Variants in ZFAT observed in about 807,000 individuals in gnomAD.
The protein encoded by ZFAT is zinc finger protein ZFAT.
A neutral mutation model predicts 117.7 loss-of-function variants in ZFAT; 64 were observed. The ratio of observed to expected loss-of-function variants is 0.54; its 90% confidence interval spans 0.44 to 0.67. The LOEUF is 0.67. Among genes scored for constraint, ZFAT ranks in the 30% least tolerant of loss-of-function variants. The probability of loss-of-function intolerance (pLI) is 0.00; values close to 1 mark genes in which losing one functional copy is unlikely to be tolerated. For missense variants in ZFAT, 1,433 were observed against 1,584.5 expected, an observed-to-expected ratio of 0.90 and a Z score of 1.62; for synonymous variants, 679 against 615.0, an observed-to-expected ratio of 1.10 and a Z score of -1.54.
the ZFAT span, among the ~76,000 whole-genome samples, chr8:134,809,480 G>A: frequency 6.6e-6 from 1 of 152,200 alleles, no homozygotes; most frequent in Non-Finnish European, 1.5e-5. Flanking sequence ...CCGGGACTGT[G>A]AGGGTTCCTT....
rs181894567 is a variant in ZFAT, at chr8:134,537,556, T to C, written c.2977-4584A>G. Among the ~76,000 whole-genome samples the C allele has an allele frequency of 7.0e-4, 107 of 152,218 alleles. No individual in the cohort carries two copies. In the Middle Eastern group the frequency reaches 0.01, roughly 15 times the overall value. On this transcript the variant is annotated intron_variant, in intron 11 of 15. Transcript: ENST00000377838. Reference sequence around the variant, plus strand: ...GAAGACGAGGGTCGATACCAGCCAGTGTGCTGTGTGCTGGGTCAGGAAAGT... The same window carrying C: ...GAAGACGAGGGTCGATACCAGCCAGCGTGCTGTGTGCTGGGTCAGGAAAGT...
intron 15 of ZFAT, among the ~76,000 whole-genome samples, chr8:134,485,891 C>A (rs1050296534): frequency 2.0e-5 from 3 of 152,214 alleles, no homozygotes; most frequent in Non-Finnish European, 4.4e-5. Flanking sequence ...ATAAACACCA[C>A]AAATTCGCAT....
At chr8:134,706,520 C>T (rs936154942) in intron 1 of ZFAT, among the ~76,000 whole-genome samples, 2 of 152,044 alleles carry the variant, frequency 1.3e-5, no homozygotes, top group South Asian at 2.1e-4. Context: ...GGTGAAACCC[C>T]GTCTCCACTA....
chr8:134,672,140 G>A (rs1832590978), intron 1 of ZFAT, among the ~76,000 whole-genome samples: 1 of 152,256 alleles, frequency 6.6e-6, no homozygotes, highest in African/African-American at 2.4e-5. Context: ...CCATGTTCAT[G>A]GATAGGAAGA....
intron 10 of ZFAT, among the ~76,000 whole-genome samples, chr8:134,576,400 A>T (rs898114713): frequency 6.6e-6 from 1 of 152,114 alleles, no homozygotes; most frequent in African/African-American, 2.4e-5. Flanking sequence ...CCCAGTGATA[A>T]GCAACAGAAA....
At chr8:134,538,796 CAAA>C (rs35209102) in intron 11 of ZFAT, among the ~76,000 whole-genome samples, 44 of 105,058 alleles carry the variant, frequency 4.2e-4, no homozygotes, top group Middle Eastern at 9.7e-3. Context: ...GACCCTGTCA[CAAA>C]AAAAAAAAAA....
At chr8:134,721,739 G>A in the ZFAT span, among the ~76,000 whole-genome samples, 116,304 of 152,024 alleles carry the variant, frequency 0.77, 45,329 homozygotes, top group Non-Finnish European at 0.85. Flanking sequence ...GCCCCTTTCC[G>A]TGATTCTTAC....
rs907786656 is a variant in ZFAT at position 134,478,983 on chromosome 8, G to T, written c.3493-262C>A. 6.6e-6 allele frequency among the ~76,000 whole-genome samples: 1 copy of T among 152,156 alleles called. No homozygotes were observed. The highest frequency in any genetic ancestry group is 1.5e-5 in the Non-Finnish European group (1 of 68,024). On this transcript the variant is annotated intron_variant, in intron 15 of 15. Transcript: ENST00000377838. This position sits in a 1 kb window ranked among gnomAD's most constrained non-coding sequence, Gnocchi z 5.2. ...CCTAAGTTCAAACCCAGAGTCCGAG[G>T]TTGTTTCTGATGCCGAGCTGCTTCC...
intron 7 of ZFAT, chr8:134,599,957 G>T: frequency 7.9e-6 from 3 of 378,020 alleles, no homozygotes; most frequent in Non-Finnish European, 1.5e-5. Context: ...CTCTCCCAGA[G>T]ACTAAAATAA....
the ZFAT span, among the ~76,000 whole-genome samples, chr8:134,791,830 T>C: frequency 6.6e-6 from 1 of 152,134 alleles, no homozygotes; most frequent in Non-Finnish European, 1.5e-5. Flanking sequence ...TTGTGGCAAA[T>C]GAGACATAAG....
At chr8:134,695,769 A>G (rs560902953) in intron 1 of ZFAT, among the ~76,000 whole-genome samples, 1 of 139,814 alleles carries the variant, frequency 7.2e-6, no homozygotes, top group South Asian at 2.4e-4. Context: ...ACCACCCCCT[A>G]GGCCTCGGCC....
intron 3 of ZFAT, among the ~76,000 whole-genome samples, chr8:134,625,820 A>T (rs1829459846): frequency 6.6e-6 from 1 of 152,050 alleles, no homozygotes; most frequent in Non-Finnish European, 1.5e-5. Flanking sequence ...CGTGTTCAGT[A>T]CTTCTCCGGT....
chr8:134,637,760 G>T (rs1156781954), intron 2 of ZFAT, 48 bp from the exon 3 acceptor site: 1 of 1,586,892 alleles, frequency 6.3e-7, no homozygotes, highest in South Asian at 1.1e-5. Flanking sequence ...AGACGGCAGT[G>T]CAGGGTTCAC....
At chr8:134,522,554 C>T (rs1003101552) in intron 12 of ZFAT, among the ~76,000 whole-genome samples, 19 of 152,280 alleles carry the variant, frequency 1.2e-4, no homozygotes, top group Admixed American at 4.6e-4. Context: ...AACTATGCTC[C>T]CCTCTCCAAA....
intron 15 of ZFAT, among the ~76,000 whole-genome samples, chr8:134,488,249 T>C (rs765365673): frequency 3.6e-4 from 55 of 152,166 alleles, no homozygotes; most frequent in Non-Finnish European, 7.5e-4. Context: ...AGTTGGCAGA[T>C]AGGCAGGTTG....
chr8:134,787,586 C>A, the ZFAT span, among the ~76,000 whole-genome samples: 1 of 152,204 alleles, frequency 6.6e-6, no homozygotes, highest in Non-Finnish European at 1.5e-5. Flanking sequence ...ATTACAACTA[C>A]ACTTTTATAA....
At chr8:134,820,455 A>G in the ZFAT span, among the ~76,000 whole-genome samples, 11 of 152,244 alleles carry the variant, frequency 7.2e-5, no homozygotes, top group African/African-American at 2.7e-4. Flanking sequence ...TGCCAGTATC[A>G]TCGCTTGAAC....
intron 2 of ZFAT, among the ~76,000 whole-genome samples, chr8:134,644,850 C>T (rs1830787970): frequency 1.3e-5 from 2 of 152,102 alleles, no homozygotes; most frequent in South Asian, 4.1e-4. Flanking sequence ...CACTCACACA[C>T]CATCTATATA....
chr8:134,717,761 A>C (rs563776781), upstream of ZFAT, among the ~76,000 whole-genome samples: 3 of 151,670 alleles, frequency 2.0e-5, no homozygotes, highest in Non-Finnish European at 2.9e-5. Flanking sequence ...TGCAGTGGTG[A>C]GATCTCAACC....
Sources: gnomAD v4.1 joint callset for allele counts (sites outside exome capture counted in the v4.1 genomes callset) on GRCh38, gnomAD v4.1.1 for gene constraint, Gnocchi (gnomAD v3.1) non-coding constraint, MANE v1.5 for transcripts, NCBI Gene and HGNC (gene_info 2026-07-23, HGNC 2026-07-21) for gene names.